ANKS1B: variants seen among roughly 807,000 people sequenced by gnomAD.
The protein encoded by ANKS1B is ankyrin repeat and sterile alpha motif domain-containing protein 1B.
ANKS1B carries 36 observed loss-of-function variants against 148.3 expected under a neutral mutation model. That is an observed-to-expected ratio of 0.24 (90% CI 0.19 to 0.32). The LOEUF (loss-of-function observed/expected upper bound fraction) is 0.32. Ranked by LOEUF, ANKS1B falls within the 10% of genes least tolerant of loss-of-function variation. ANKS1B has a pLI of 1.00. For missense variants in ANKS1B, 1,157 were observed against 1,542.6 expected (o/e 0.75, Z 4.19); for synonymous variants, 542 against 560.8 (o/e 0.97, Z 0.47).
downstream of ANKS1B, among the ~76,000 whole-genome samples, chr12:98,739,173 GTACCTTC>G (rs1275689237): frequency 3.3e-5 from 5 of 152,152 alleles, no homozygotes; most frequent in African/African-American, 4.8e-5. Context: ...GACACTCCCT[GTACCTTC>G]TCATTGAAGC....
chr12:99,846,335 T>C (rs2086670925), intron 1 of ANKS1B, among the ~76,000 whole-genome samples: 1 of 152,138 alleles, frequency 6.6e-6, no homozygotes, highest in African/African-American at 2.4e-5. Flanking sequence ...TATTCCTTTC[T>C]AGCTATTTTT....
intron 8 of ANKS1B, among the ~76,000 whole-genome samples, chr12:99,672,677 A>C (rs922687872): frequency 6.6e-6 from 1 of 152,154 alleles, no homozygotes; most frequent in African/African-American, 2.4e-5. Flanking sequence ...CTTCTCCAGT[A>C]AGGTGTGAAT....
chr12:99,523,899 G>A (rs571340036), intron 9 of ANKS1B, among the ~76,000 whole-genome samples: 3 of 152,252 alleles, frequency 2.0e-5, no homozygotes, highest in South Asian at 2.1e-4. Context: ...TGAATTAGAC[G>A]AGTTTTAAGA....
intron 8 of ANKS1B, among the ~76,000 whole-genome samples, chr12:99,742,236 T>A (rs147378354): frequency 6.6e-6 from 1 of 150,736 alleles, no homozygotes; most frequent in Non-Finnish European, 1.5e-5. Context: ...CCTGCACATG[T>A]ACCCCTGAAC....
At chr12:99,742,949 G>C (rs550673157) in intron 8 of ANKS1B, among the ~76,000 whole-genome samples, 1 of 151,338 alleles carries the variant, frequency 6.6e-6, no homozygotes, top group South Asian at 2.1e-4. Flanking sequence ...TCACAACTTT[G>C]TACTTTTCCA....
intron 8 of ANKS1B, among the ~76,000 whole-genome samples, chr12:99,673,247 A>C (rs978298322): frequency 6.6e-6 from 1 of 152,114 alleles, no homozygotes; most frequent in Non-Finnish European, 1.5e-5. Flanking sequence ...ATATCAAGAC[A>C]TACTCAGGCA....
At chr12:98,743,009 TA>T (rs57178096), downstream of ANKS1B, among the ~76,000 whole-genome samples, 4 of 152,178 alleles carry the variant, frequency 2.6e-5, no homozygotes, top group African/African-American at 4.8e-5. Flanking sequence ...TTATTTTTTT[TA>T]AAAAAAGTCT....
chr12:99,824,850 A>G (rs1020756697), intron 2 of ANKS1B, among the ~76,000 whole-genome samples: 1 of 152,224 alleles, frequency 6.6e-6, no homozygotes, highest in Non-Finnish European at 1.5e-5. Flanking sequence ...GACAAAGATA[A>G]AACATTTTAG....
At chr12:99,755,931 T>G (rs998428230) in intron 8 of ANKS1B, among the ~76,000 whole-genome samples, 3 of 151,564 alleles carry the variant, frequency 2.0e-5, no homozygotes, top group Admixed American at 6.6e-5. Flanking sequence ...GTCCTTATTT[T>G]GAGGACATAC....
intron 8 of ANKS1B, among the ~76,000 whole-genome samples, chr12:99,663,406 A>G (rs753218444): frequency 6.6e-6 from 1 of 151,986 alleles, no homozygotes; most frequent in Non-Finnish European, 1.5e-5. Flanking sequence ...AACACTAAAC[A>G]TCTGTTCAAA....
intron 9 of ANKS1B, among the ~76,000 whole-genome samples, chr12:99,550,931 T>G (rs1183996022): frequency 6.6e-6 from 1 of 152,206 alleles, no homozygotes; most frequent in Non-Finnish European, 1.5e-5. Flanking sequence ...ATTCTTTTCT[T>G]TGATCATTAA....
intron 21 of ANKS1B, 44 bp downstream of exon 21, chr12:98,800,953 C>G (rs374670079): frequency 1.1e-4 from 168 of 1,584,904 alleles, no homozygotes; most frequent in Non-Finnish European, 1.3e-4. Context: ...AAACATACCC[C>G]CTATCTCCAC....
intron 12 of ANKS1B, among the ~76,000 whole-genome samples, chr12:99,289,776 TAGAGA>T (rs1031004579): frequency 6.1e-4 from 93 of 151,988 alleles, no homozygotes; most frequent in East Asian, 7.7e-4. Flanking sequence ...AAAGCAGTAC[TAGAGA>T]AAAGTTTCTA....
intron 10 of ANKS1B, among the ~76,000 whole-genome samples, chr12:99,501,647 C>G (rs1595947902): frequency 1.3e-5 from 2 of 152,198 alleles, no homozygotes; most frequent in South Asian, 4.1e-4. Flanking sequence ...AATCCTAGTT[C>G]TATGGAGGAA....
chr12:99,805,513 G>A (rs1482455893), intron 4 of ANKS1B, among the ~76,000 whole-genome samples: 1 of 151,964 alleles, frequency 6.6e-6, no homozygotes, highest in Non-Finnish European at 1.5e-5. Context: ...GGTCCCACCA[G>A]CTACTGGAGA....
At chr12:99,104,090 T>C (rs757318090) in intron 15 of ANKS1B, among the ~76,000 whole-genome samples, 2 of 152,096 alleles carry the variant, frequency 1.3e-5, no homozygotes, top group Admixed American at 6.5e-5. Context: ...TATTAATAGA[T>C]ATGTGTTTTG....
chr12:98,923,530 G>A (rs1000494865), intron 17 of ANKS1B, among the ~76,000 whole-genome samples: 1 of 152,074 alleles, frequency 6.6e-6, no homozygotes, highest in Non-Finnish European at 1.5e-5. Flanking sequence ...TTAGTTTCTG[G>A]TGACTTTCAT....
At chr12:99,501,008 A>T (rs1259446363) in intron 10 of ANKS1B, among the ~76,000 whole-genome samples, 1 of 151,920 alleles carries the variant, frequency 6.6e-6, no homozygotes, top group Non-Finnish European at 1.5e-5. Flanking sequence ...GCTGAATCTC[A>T]TCTGCTGTTC....
In ANKS1B at chr12:98,972,627, C is replaced by T. The variant is rs544767692; in HGVS notation, c.2778+80530G>A. Among the ~76,000 whole-genome samples, 17 of 152,212 alleles carry T rather than the reference C, an allele frequency of 1.1e-4. No individual in the cohort carries two copies. The South Asian group carries it at 2.9e-3, about 26-fold the overall frequency. On this transcript the variant is annotated intron_variant, in intron 17 of 26. Transcript: ENST00000683438. ...ATTACACTTTACTATGCTGTGCATTCGTGTAAAAGCATGATATTTTTAAAG... is the reference window on the plus strand; with the variant it reads ...ATTACACTTTACTATGCTGTGCATTTGTGTAAAAGCATGATATTTTTAAAG...
Sources: allele counts gnomAD v4.1 joint callset (sites outside exome capture counted in the v4.1 genomes callset), GRCh38; gene constraint gnomAD v4.1.1; transcripts MANE v1.5; gene names NCBI Gene and HGNC (gene_info 2026-07-23, HGNC 2026-07-21).